Variants in BFAR observed in about 807,000 individuals in gnomAD.
BFAR encodes bifunctional apoptosis regulator.
A neutral mutation model predicts 54.4 loss-of-function variants in BFAR; 52 were observed. The ratio of observed to expected loss-of-function variants is 0.96; its 90% CI spans 0.77 to 1.21. The LOEUF (loss-of-function observed/expected upper bound fraction) is 1.21, where lower values mean the gene tolerates loss of function less well. Ranked by LOEUF, BFAR falls within the 50% of genes most tolerant of loss-of-function variation. The pLI is 0.00. For synonymous variants in BFAR, 215 were observed against 204.3 expected, an observed-to-expected ratio of 1.05 and a Z score of -0.45; for missense variants, 571 against 534.0, an observed-to-expected ratio of 1.07 and a Z score of -0.68.
intron 2 of BFAR, 91 bp from the exon 3 acceptor site, chr16:14,648,293 ATATT>A: frequency 2.2e-6 from 2 of 919,486 alleles, no homozygotes; most frequent in South Asian, 3.1e-5. Flanking sequence ...GGGTAGCTAT[ATATT>A]ATTAGATGTT....
At chr16:14,658,969 G>A (rs1367529471) in intron 5 of BFAR, among the ~76,000 whole-genome samples, 1 of 151,074 alleles carries the variant, frequency 6.6e-6, no homozygotes, top group Non-Finnish European at 1.5e-5. Context: ...GTGCAATGGC[G>A]CGATCTCAGC....
rs1399912063 is a variant in BFAR at position 14,650,192 on chromosome 16, G to A, written c.638+219G>A. On this transcript the variant is annotated intron_variant, in intron 4 of 7. Coordinates refer to ENST00000261658, the MANE Select transcript of BFAR (RefSeq NM_016561.3). ...CAAAAAAAAAAAATTGGCCAGGCTTGGTAGTGCACACCTTGTAATCCCATC... is the reference window on the plus strand; with the variant it reads ...CAAAAAAAAAAAATTGGCCAGGCTTAGTAGTGCACACCTTGTAATCCCATC... 8 of 400,846 alleles carry A rather than the reference G, an allele frequency of 2.0e-5. No individual in the cohort carries two copies. The East Asian group carries it at 2.7e-4, about 13-fold the overall frequency. 24.8% of individuals were successfully genotyped at this position (400,846 alleles called of 1,614,324 possible). A position where few individuals can be genotyped will look rare whatever the true frequency, so the allele number is the denominator to read the frequency against.
intron 6 of BFAR, 78 bp downstream of exon 6, chr16:14,662,143 C>T: frequency 2.6e-6 from 4 of 1,509,718 alleles, no homozygotes; most frequent in Non-Finnish European, 3.7e-6. Context: ...CCATGGGTGC[C>T]ATGTTTCTTC....
chr16:14,664,413 A>G (rs1264051611), intron 6 of BFAR, among the ~76,000 whole-genome samples: 2 of 151,302 alleles, frequency 1.3e-5, no homozygotes, highest in African/African-American at 4.9e-5. Context: ...AAAAAAAACA[A>G]TTACAAGATG....
At chr16:14,634,111 A>T (rs535103570) in intron 1 of BFAR, among the ~76,000 whole-genome samples, 1 of 152,322 alleles carries the variant, frequency 6.6e-6, no homozygotes, top group East Asian at 1.9e-4. Context: ...AACTGTCGCC[A>T]TTGGGTCCTC....
chr16:14,647,283 C>T (rs1302998714), intron 2 of BFAR, among the ~76,000 whole-genome samples: 1 of 151,958 alleles, frequency 6.6e-6, no homozygotes, highest in Non-Finnish European at 1.5e-5. Context: ...CAGGGTTTTA[C>T]CATGTTGGCC....
chr16:14,661,734 A>G lies in BFAR; in HGVS notation c.784-158A>G, dbSNP rs774592007. Among the ~76,000 whole-genome samples, 16 of 152,218 alleles carry G rather than the reference A, an allele frequency of 1.1e-4. No individual in the cohort carries two copies. In the Middle Eastern group the frequency reaches 0.01, roughly 97 times the overall value. ...CGAATCTTTATACAATGTAACCCCAAATGTGGATCACTTGGCCTCTTCTTG... is the reference window on the plus strand; with the variant it reads ...CGAATCTTTATACAATGTAACCCCAGATGTGGATCACTTGGCCTCTTCTTG... On this transcript the variant is annotated intron_variant, in intron 5 of 7. Transcript: ENST00000261658.
chr16:14,647,498 A>T (rs1173446212), intron 2 of BFAR, among the ~76,000 whole-genome samples: 1 of 151,814 alleles, frequency 6.6e-6, no homozygotes, highest in Non-Finnish European at 1.5e-5. Flanking sequence ...GGAATTCAAG[A>T]CCAGCCTAGC....
At chr16:14,634,438 C>T (rs1223776871) in intron 1 of BFAR, among the ~76,000 whole-genome samples, 1 of 152,190 alleles carries the variant, frequency 6.6e-6, no homozygotes, top group East Asian at 1.9e-4. Flanking sequence ...AGTAGGTAGC[C>T]ATCACTCAAT....
In BFAR at chr16:14,655,193, A is replaced by G. The variant is rs1178411076; in HGVS notation, c.766A>G (p.Asn256Asp). The G allele has an allele frequency of 6.5e-7, 1 of 1,527,908 alleles. No homozygotes were observed. Among genetic ancestry groups the G allele is most frequent in the Admixed American group, 2.1e-5 (1 of 46,554 alleles). The allele number at this position is 1,527,908 out of a possible 1,614,324, so 94.6% of individuals were successfully genotyped here. A position where few individuals can be genotyped will look rare whatever the true frequency, so the allele number is the denominator to read the frequency against. ...VKALGVKPPQ[N>D]LWEYKAVNPG... ...AGCATTAGGCGTGAAGCCCCCCCAG[A>G]ATCTCTGGGAATATAAGGTGAACAC... The change falls in exon 5 of 8, where the codon AAT becomes GAT. Residue 256 changes from asparagine (N) to aspartate (D), a missense_variant. Physicochemically the swap from Asn to Asp is conservative, Grantham distance 23. Transcript: ENST00000261658.
intron 5 of BFAR, among the ~76,000 whole-genome samples, chr16:14,658,438 C>G (rs549997353): frequency 2.0e-5 from 3 of 152,284 alleles, no homozygotes; most frequent in African/African-American, 4.8e-5. Flanking sequence ...ATTGACATAA[C>G]TGCCAGCATC....
At chr16:14,640,650 C>G (rs1043611388) in intron 1 of BFAR, among the ~76,000 whole-genome samples, 3 of 152,110 alleles carry the variant, frequency 2.0e-5, no homozygotes, top group Non-Finnish European at 2.9e-5. Flanking sequence ...TTCCAGGACA[C>G]GGAAGATGGA....
intron 5 of BFAR, among the ~76,000 whole-genome samples, chr16:14,659,638 C>T (rs977155850): frequency 2.0e-5 from 3 of 151,900 alleles, no homozygotes; most frequent in African/African-American, 4.8e-5. Context: ...GCAAGCTCCG[C>T]CTCCTGGGTT....
chr16:14,644,619 A>G lies in BFAR; in HGVS notation c.263+10A>G, dbSNP rs1257279672. The G allele has an allele frequency of 1.2e-6, 2 of 1,609,898 alleles. No homozygotes were observed. The highest frequency in any genetic ancestry group is 1.7e-6 in the Non-Finnish European group (2 of 1,179,276). ...TCAGTATTCTCCTCAGGTAATGTTC[A>G]GCCTATATTGGTAGCACAAACAGCC... is the stretch of plus-strand genomic sequence containing the variant. On this transcript the variant is annotated intron_variant, in intron 2 of 7. Coordinates refer to ENST00000261658, the MANE Select transcript of BFAR (RefSeq NM_016561.3).
chr16:14,644,280 G>C lies in BFAR; in HGVS notation c.-67G>C, dbSNP rs1959717642. On this transcript the variant is annotated 5_prime_UTR_variant, in exon 2 of 8. It removes an upstream start codon present in the reference 5' UTR. Transcript: ENST00000261658. ...CTCTGTTTTTTTTTTCTAGATTAAT[G>C]ATGTTTTGCAGCAGTTTTCTACGTC... 1 of 1,400,264 alleles carries C rather than the reference G, an allele frequency of 7.1e-7. No homozygotes were observed. Among genetic ancestry groups the C allele is most frequent in the South Asian group, 1.3e-5 (1 of 78,644 alleles). 86.7% of individuals were successfully genotyped at this position (1,400,264 alleles called of 1,614,324 possible).
intron 5 of BFAR, among the ~76,000 whole-genome samples, chr16:14,659,155 C>T (rs561276209): frequency 2.6e-5 from 4 of 152,038 alleles, no homozygotes; most frequent in East Asian, 3.9e-4. Flanking sequence ...GTGATCCACC[C>T]GCCTCAGCCT....
At chr16:14,662,529 T>A (rs1034327357) in intron 6 of BFAR, among the ~76,000 whole-genome samples, 1 of 152,128 alleles carries the variant, frequency 6.6e-6, no homozygotes, top group African/African-American at 2.4e-5. Flanking sequence ...ATTTATTGAT[T>A]GATTGTTTGA....
intron 5 of BFAR, 134 bp downstream of exon 5, chr16:14,655,344 C>T (rs1421344879): frequency 2.4e-6 from 2 of 824,914 alleles, no homozygotes; most frequent in Non-Finnish European, 1.6e-6. Context: ...TATTTTGAGA[C>T]AGAGTCCTTC....
At chr16:14,664,656 C>T (rs140677578) in intron 6 of BFAR, among the ~76,000 whole-genome samples, 6 of 152,188 alleles carry the variant, frequency 3.9e-5, no homozygotes, top group African/African-American at 7.2e-5. Context: ...CACACCACCA[C>T]GTCTGGCCAA....
Sources: gnomAD v4.1 joint callset for allele counts (sites outside exome capture counted in the v4.1 genomes callset) on GRCh38, gnomAD v4.1.1 for gene constraint, MANE v1.5 for transcripts, NCBI Gene and HGNC (gene_info 2026-07-23, HGNC 2026-07-21) for gene names.